C16orf89: variants seen among roughly 807,000 people sequenced by gnomAD.
C16orf89 encodes the protein UPF0764 protein C16orf89.
C16orf89 carries 57 observed loss-of-function variants against 41.5 expected under a neutral mutation model. That is an observed-to-expected ratio of 1.38 (90% CI 1.11 to 1.71). The LOEUF (loss-of-function observed/expected upper bound fraction) is 1.71, where lower values mean the gene tolerates loss of function less well. Ranked by LOEUF, C16orf89 falls within the 40% of genes most tolerant of loss-of-function variation. The probability of loss-of-function intolerance (pLI) is 0.00; values close to 1 mark genes in which losing one functional copy is unlikely to be tolerated. For synonymous variants in C16orf89, 223 were observed against 190.6 expected, an observed-to-expected ratio of 1.17 and a Z score of -1.40; for missense variants, 575 against 445.9, an observed-to-expected ratio of 1.29 and a Z score of -2.61.
chr16:5,055,428 G>A (rs1017220713), intron 5 of C16orf89, 78 bp from the exon 6 acceptor site: 1 of 1,312,796 alleles, frequency 7.6e-7, no homozygotes, highest in East Asian at 2.5e-5. Flanking sequence ...CTGCCACGGT[G>A]CCACCTGCCT....
intron 1 of C16orf89, among the ~76,000 whole-genome samples, chr16:5,065,147 T>C (rs1956711176): frequency 6.6e-6 from 1 of 152,156 alleles, no homozygotes; most frequent in Non-Finnish European, 1.5e-5. Flanking sequence ...TGCTTGTGTG[T>C]GTGTGCATGA....
chr16:5,060,517 C>A (rs1435665240), intron 2 of C16orf89, 81 bp from the exon 3 acceptor site: 2 of 1,400,094 alleles, frequency 1.4e-6, no homozygotes, highest in Non-Finnish European at 1.9e-6. Context: ...CCCACCTCCT[C>A]CTGCAGCCCT....
rs921598789 is a variant in C16orf89, at chr16:5,044,131, G to C, written c.*217C>G. 1.0e-5 allele frequency: 13 copies of C among 1,268,516 alleles called. No homozygotes were observed. The highest frequency in any genetic ancestry group is 1.2e-5 in the Non-Finnish European group (12 of 1,009,804). 78.6% of individuals were successfully genotyped at this position (1,268,516 alleles called of 1,614,324 possible). On this transcript the variant is annotated 3_prime_UTR_variant, in exon 8 of 8. Transcript: ENST00000472572. Reference sequence around the variant, plus strand: ...AAGACTCAACCCTGGGTCAGTTGCAGTTGAACTTTATTCATCCGTTCACAC... The same window carrying C: ...AAGACTCAACCCTGGGTCAGTTGCACTTGAACTTTATTCATCCGTTCACAC...
downstream of C16orf89, chr16:5,043,699 C>G (rs571309002): frequency 6.6e-6 from 1 of 152,304 alleles, no homozygotes; most frequent in South Asian, 2.1e-4. Flanking sequence ...GAACAAATAG[C>G]CTTTAAGATA....
At chr16:5,060,178 C>T (rs1012460553) in intron 3 of C16orf89, 108 bp downstream of exon 3, 3 of 1,363,534 alleles carry the variant, frequency 2.2e-6, no homozygotes, top group Non-Finnish European at 3.0e-6. Context: ...TGTGTCTGCA[C>T]AAACCCCTGG....
At chr16:5,048,669 A>C (rs1956345503) in intron 6 of C16orf89, among the ~76,000 whole-genome samples, 1 of 152,244 alleles carries the variant, frequency 6.6e-6, no homozygotes, top group Non-Finnish European at 1.5e-5. Flanking sequence ...AATAATAACT[A>C]TCATGAAAAC....
chr16:5,049,843 T>C (rs752970261), intron 6 of C16orf89, among the ~76,000 whole-genome samples: 4 of 151,078 alleles, frequency 2.6e-5, no homozygotes, highest in Non-Finnish European at 5.9e-5. Context: ...AGGAAAGAAA[T>C]TGTAAAGATC....
chr16:5,062,682 C>T, intron 1 of C16orf89, 108 bp from the exon 2 acceptor site: 3 of 1,238,800 alleles, frequency 2.4e-6, no homozygotes, highest in Non-Finnish European at 3.3e-6. Context: ...CTGGGAGCCT[C>T]TCTGCCTTCT....
rs1180414005 is a variant in C16orf89, at chr16:5,056,193, G to GGAGACAAACACCCA, written c.628-19_628-6dup. On this transcript the variant is annotated splice_region_variant and splice_polypyrimidine_tract_variant and intron_variant, in intron 4 of 7. Coordinates refer to ENST00000472572, the MANE Select transcript of C16orf89 (RefSeq NM_001098514.3). ...TGGTCCCTGTGTGCACCCCCTCTGG[G>GGAGACAAACACCCA]GAGACAAACACCCAAAGACAAGGGA... is the stretch of plus-strand genomic sequence containing the variant. 2.5e-6 allele frequency: 4 copies of GGAGACAAACACCCA among 1,582,352 alleles called. No homozygotes were observed. Among genetic ancestry groups the GGAGACAAACACCCA allele is most frequent in the Non-Finnish European group, 3.5e-6 (4 of 1,153,946 alleles).
intron 6 of C16orf89, among the ~76,000 whole-genome samples, chr16:5,053,565 G>C (rs1414778827): frequency 6.7e-6 from 1 of 149,876 alleles, no homozygotes; most frequent in Admixed American, 6.6e-5. Context: ...TTTAAAGACA[G>C]TGTCTCGCTT....
At chr16:5,056,772 A>G (rs551273975) in intron 4 of C16orf89, among the ~76,000 whole-genome samples, 1 of 152,192 alleles carries the variant, frequency 6.6e-6, no homozygotes, top group Admixed American at 6.5e-5. Flanking sequence ...ATTCCCTTGT[A>G]ATATGGTTTT....
chr16:5,062,791 T>G (rs1036390315), intron 1 of C16orf89, among the ~76,000 whole-genome samples: 2 of 151,912 alleles, frequency 1.3e-5, no homozygotes, highest in Non-Finnish European at 2.9e-5. Flanking sequence ...TAGTAGAAGG[T>G]GGTGGCTGAG....
chr16:5,045,339 C>T (rs1210419522), intron 7 of C16orf89, among the ~76,000 whole-genome samples: 1 of 152,300 alleles, frequency 6.6e-6, no homozygotes, highest in East Asian at 1.9e-4. Context: ...TGCCTGGTCC[C>T]GTGTGACCTC....
At chr16:5,062,374 A>G in intron 2 of C16orf89, 51 bp downstream of exon 2, 2 of 1,539,772 alleles carry the variant, frequency 1.3e-6, no homozygotes, top group Non-Finnish European at 8.8e-7. Context: ...TTCAGTCAAT[A>G]TCCCCATAGG....
At chr16:5,063,957 T>C (rs1286909352) in intron 1 of C16orf89, among the ~76,000 whole-genome samples, 1 of 152,018 alleles carries the variant, frequency 6.6e-6, no homozygotes, top group African/African-American at 2.4e-5. Context: ...TAAAACCTCA[T>C]CTCTACCAAA....
At chr16:5,057,825 G>T (rs534702303) in intron 4 of C16orf89, among the ~76,000 whole-genome samples, 25 of 151,852 alleles carry the variant, frequency 1.6e-4, no homozygotes, top group Admixed American at 3.3e-4. Flanking sequence ...CACCGTGCCC[G>T]GCCTCATTCA....
At chr16:5,063,304 G>A (rs190430592) in intron 1 of C16orf89, among the ~76,000 whole-genome samples, 28 of 152,246 alleles carry the variant, frequency 1.8e-4, no homozygotes, top group Non-Finnish European at 2.8e-4. Context: ...GCTCTGGCAC[G>A]CCCCCTCTGC....
intron 6 of C16orf89, among the ~76,000 whole-genome samples, chr16:5,050,618 A>T (rs1260438013): frequency 2.0e-5 from 3 of 152,130 alleles, no homozygotes; most frequent in African/African-American, 4.8e-5. Flanking sequence ...GAGGAGGAAA[A>T]TTTTCCCAAC....
intron 6 of C16orf89, among the ~76,000 whole-genome samples, chr16:5,054,715 G>T (rs1445566353): frequency 1.3e-5 from 2 of 152,182 alleles, no homozygotes; most frequent in African/African-American, 4.8e-5. Context: ...GAGGGACCTG[G>T]TGGGAGGTAA....
Sources: gnomAD v4.1 joint callset for allele counts (sites outside exome capture counted in the v4.1 genomes callset) on GRCh38, gnomAD v4.1.1 for gene constraint, MANE v1.5 for transcripts, NCBI Gene and HGNC (gene_info 2026-07-23, HGNC 2026-07-21) for gene names.